RANGAP1: variants seen among roughly 807,000 people sequenced by gnomAD.
The protein encoded by RANGAP1 is Ran GTPase activating protein 1.
A neutral mutation model predicts 63.5 loss-of-function variants in RANGAP1; 38 were observed. The observed-to-expected ratio is 0.60, with a 90% confidence interval of 0.46 to 0.78. The LOEUF (loss-of-function observed/expected upper bound fraction) is 0.78, where lower values mean the gene tolerates loss of function less well. Ranked by LOEUF, RANGAP1 falls within the 30% of genes least tolerant of loss-of-function variation. The pLI is 0.00. For missense variants in RANGAP1, 630 were observed against 740.3 expected (o/e 0.85, Z 1.73); for synonymous variants, 329 against 310.5 (o/e 1.06, Z -0.63).
At chr22:41,280,114 T>C (rs535292775) in intron 2 of RANGAP1, among the ~76,000 whole-genome samples, 1 of 150,456 alleles carries the variant, frequency 6.6e-6, no homozygotes, top group Non-Finnish European at 1.5e-5. Flanking sequence ...AAGTGATAAA[T>C]GCACAGGGAG....
intron 4 of RANGAP1, 133 bp from the exon 5 acceptor site, chr22:41,264,976 T>G: frequency 1.2e-6 from 1 of 856,786 alleles, no homozygotes; most frequent in Non-Finnish European, 1.8e-6. Flanking sequence ...ACACAAACCA[T>G]TTCAGTATTC....
chr22:41,274,463 C>A, intron 3 of RANGAP1, 137 bp downstream of exon 3: 1 of 1,325,914 alleles, frequency 7.5e-7, no homozygotes, highest in Non-Finnish European at 1.0e-6. Context: ...CCTGGGGAGG[C>A]CAGAGGAAGA....
intron 1 of RANGAP1, among the ~76,000 whole-genome samples, chr22:41,282,873 A>C (rs1468404738): frequency 6.6e-6 from 1 of 152,148 alleles, no homozygotes; most frequent in Non-Finnish European, 1.5e-5. Flanking sequence ...ATCAGGAGAG[A>C]CCAAGGAAGC....
intron 15 of RANGAP1, 77 bp from the exon 16 acceptor site, chr22:41,246,749 CAG>C (rs1176043385): frequency 5.7e-5 from 76 of 1,342,940 alleles, no homozygotes; most frequent in Non-Finnish European, 6.5e-5. Flanking sequence ...ATTTTGGTGC[CAG>C]ACTCATTTTT....
the RANGAP1 span, among the ~76,000 whole-genome samples, chr22:41,294,263 G>C: frequency 6.6e-6 from 1 of 152,202 alleles, no homozygotes; most frequent in Non-Finnish European, 1.5e-5. Context: ...TGTGTTGGCC[G>C]GGCTGGTCTC....
Position 41,274,678 on chromosome 22 carries a change from C to A in RANGAP1, c.162G>T (p.Leu54=), listed in dbSNP as rs1740583515. Residue 54 remains leucine, a synonymous_variant, in exon 3 of 16, where the codon CTG becomes CTT. Transcript: ENST00000356244. ...CGCCCACTGTGTTGCCTTCCAGACG[C>A]AGAGCCTCCAAGCTGTCAAAGTCTT... The part of the protein sequence containing the change: ...EIEDFDSLEA[L]RLEGNTVGVE... 1 of 1,614,090 alleles carries A rather than the reference C, an allele frequency of 6.2e-7. No individual in the cohort carries two copies. Among genetic ancestry groups the A allele is most frequent in the African/African-American group, 1.3e-5 (1 of 74,944 alleles).
upstream of RANGAP1, among the ~76,000 whole-genome samples, chr22:41,287,382 GTT>G (rs1555950580): frequency 7.5e-6 from 1 of 133,784 alleles, no homozygotes; most frequent in Non-Finnish European, 1.6e-5. Flanking sequence ...TTTTTTTTTT[GTT>G]TTTTTTTTTT....
rs547573278 is a variant in RANGAP1 at position 41,264,892 on chromosome 22, T to C, written c.301-49A>G. The stretch of plus-strand genomic sequence containing the variant: ...CAGTTTCATAGACACCCAGCTTCTG[T>C]GCTGGGTGCTGCTTCTGTGCCAGGC... On this transcript the variant is annotated intron_variant, in intron 4 of 15. Coordinates refer to ENST00000356244, the MANE Select transcript of RANGAP1 (RefSeq NM_002883.4). 3.9e-6 allele frequency: 6 copies of C among 1,542,326 alleles called. No individual in the cohort carries two copies. The East Asian group carries it at 1.4e-4, about 35-fold the overall frequency.
chr22:41,256,678 C>T, intron 8 of RANGAP1, 33 bp downstream of exon 8: 2 of 1,594,862 alleles, frequency 1.3e-6, no homozygotes, highest in Non-Finnish European at 1.7e-6. Flanking sequence ...CCACAGACCC[C>T]AGAGGGAGGA....
rs138861000 is a variant in RANGAP1 at position 41,257,133 on chromosome 22, A to G, written c.775-309T>C. The stretch of plus-strand genomic sequence containing the variant: ...AACACCCATCCCCCACCCTCTGTCC[A>G]GAGAAAGACCACTTGCCCTATACAA... On this transcript the variant is annotated intron_variant, in intron 7 of 15. Coordinates refer to ENST00000356244, the MANE Select transcript of RANGAP1 (RefSeq NM_002883.4). This position sits in a 1 kb window ranked among gnomAD's most constrained non-coding sequence, Gnocchi z 4.0. Among the ~76,000 whole-genome samples, 721 of 152,188 alleles carry G rather than the reference A, an allele frequency of 4.7e-3. 3 individuals are homozygous for G. The highest frequency in any genetic ancestry group is 0.014 in the Middle Eastern group (4 of 294).
chr22:41,248,516 C>A (rs1441992194), intron 15 of RANGAP1, among the ~76,000 whole-genome samples: 13 of 152,228 alleles, frequency 8.5e-5, no homozygotes, highest in African/African-American at 2.9e-4. Context: ...GCTCTGGGCT[C>A]CCCCAGCAAA....
At chr22:41,254,172 CAA>C in intron 11 of RANGAP1, 134 bp downstream of exon 11, 1 of 878,502 alleles carries the variant, frequency 1.1e-6, no homozygotes, top group Non-Finnish European at 1.8e-6. Flanking sequence ...TTTTTTTACT[CAA>C]TATCATGCAA....
At chr22:41,280,699 G>C (rs2035446634) in intron 2 of RANGAP1, 1 of 1,469,934 alleles carries the variant, frequency 6.8e-7, no homozygotes, top group South Asian at 1.2e-5. Flanking sequence ...TCCTGAGAAA[G>C]AAAGGGCAGG....
chr22:41,301,305 T>C, the RANGAP1 span, among the ~76,000 whole-genome samples: 1 of 152,126 alleles, frequency 6.6e-6, no homozygotes, highest in African/African-American at 2.4e-5. Flanking sequence ...AGCCCAGAAA[T>C]GCAGAACTGC....
chr22:41,277,570 C>G, intron 2 of RANGAP1: 1 of 1,092,172 alleles, frequency 9.2e-7, no homozygotes, highest in Non-Finnish European at 1.2e-6. Flanking sequence ...AAAGTTTGAA[C>G]TTGACCTTCT....
intron 5 of RANGAP1, among the ~76,000 whole-genome samples, chr22:41,262,034 T>C (rs1333919694): frequency 2.0e-5 from 3 of 152,218 alleles, no homozygotes; most frequent in South Asian, 2.1e-4. Flanking sequence ...TGGTGGACTC[T>C]GGACCAAAGC....
At chr22:41,294,057 CG>C in the RANGAP1 span, among the ~76,000 whole-genome samples, 1 of 136,682 alleles carries the variant, frequency 7.3e-6, no homozygotes, top group Non-Finnish European at 1.6e-5. Context: ...CCTCTCCCCA[CG>C]GTCTCCCTCT....
At chr22:41,282,971 A>T (rs1421327344) in intron 1 of RANGAP1, among the ~76,000 whole-genome samples, 1 of 152,108 alleles carries the variant, frequency 6.6e-6, no homozygotes, top group Non-Finnish European at 1.5e-5. Flanking sequence ...GATACCCTGA[A>T]TCCTCCCACC....
At chr22:41,264,409 G>A (rs1236274316) in intron 5 of RANGAP1, among the ~76,000 whole-genome samples, 1 of 152,242 alleles carries the variant, frequency 6.6e-6, no homozygotes, top group African/African-American at 2.4e-5. Context: ...TGCAGAGCCA[G>A]CAGGCTGGAG....
Sources: allele counts gnomAD v4.1 joint callset (sites outside exome capture counted in the v4.1 genomes callset), GRCh38; gene constraint gnomAD v4.1.1; non-coding constraint Gnocchi (gnomAD v3.1); transcripts MANE v1.5; gene names NCBI Gene and HGNC (gene_info 2026-07-23, HGNC 2026-07-21).